The following PRKCH variants were observed in gnomAD, a reference collection of about 807,000 sequenced individuals.
PRKCH encodes protein kinase C eta.
In PRKCH, 28 loss-of-function variants were observed where a neutral mutation model predicts 82.5. The observed-to-expected ratio is 0.34, with a 90% CI of 0.25 to 0.47. The LOEUF is 0.47. Among genes scored for constraint, PRKCH ranks in the 20% least tolerant of loss-of-function variants. The pLI, the probability that PRKCH is intolerant of heterozygous loss-of-function variation, is 1.00. For missense variants in PRKCH, 705 were observed against 881.8 expected (o/e 0.80, Z 2.54); for synonymous variants, 322 against 327.4 (o/e 0.98, Z 0.18).
At chr14:61,333,855 A>G (rs999529246) in intron 1 of PRKCH, among the ~76,000 whole-genome samples, 1 of 152,114 alleles carries the variant, frequency 6.6e-6, no homozygotes, top group Admixed American at 6.5e-5. Context: ...AGTGGGCATT[A>G]TGGTGTTCTG....
Position 61,418,110 on chromosome 14 carries a change from G to A in PRKCH, c.428-25001G>A, listed in dbSNP as rs147317919. 3.0e-3 allele frequency among the ~76,000 whole-genome samples: 453 copies of A among 152,352 alleles called. 4 individuals carry two copies. Among genetic ancestry groups the A allele is most frequent in the African/African-American group, 0.01 (433 of 41,584 alleles). On this transcript the variant is annotated intron_variant, in intron 2 of 13. Transcript: ENST00000332981. ...CGCAGGTCTATCCTGTTCTGTGGCT[G>A]TGTTTACTAAAGTGAGTTCTGCGCT... is the stretch of plus-strand genomic sequence containing the variant.
At chr14:61,227,828 A>C (rs2044709784) in intron 1 of PRKCH, among the ~76,000 whole-genome samples, 1 of 152,100 alleles carries the variant, frequency 6.6e-6, no homozygotes, top group Non-Finnish European at 1.5e-5. Context: ...AGATGTTAGC[A>C]TGAGGGCCCT....
intron 12 of PRKCH, among the ~76,000 whole-genome samples, chr14:61,534,074 T>C (rs2043076673): frequency 6.6e-6 from 1 of 152,204 alleles, no homozygotes; most frequent in Non-Finnish European, 1.5e-5. Flanking sequence ...TCAAAGGCCA[T>C]TTAACACATT....
At chr14:61,494,093 GCTC>G (rs1322707154) in intron 10 of PRKCH, among the ~76,000 whole-genome samples, 2 of 152,132 alleles carry the variant, frequency 1.3e-5, no homozygotes, top group Non-Finnish European at 1.5e-5. Flanking sequence ...CAGTGGAGAT[GCTC>G]CATGGATAGG....
At chr14:61,523,518 C>T (rs2042930488) in intron 10 of PRKCH, among the ~76,000 whole-genome samples, 1 of 152,158 alleles carries the variant, frequency 6.6e-6, no homozygotes, top group African/African-American at 2.4e-5. Context: ...GATTTTACCC[C>T]TGTCTAGCTA....
At chr14:61,395,297 C>A (rs373467636) in intron 2 of PRKCH, among the ~76,000 whole-genome samples, 1 of 147,090 alleles carries the variant, frequency 6.8e-6, no homozygotes, top group Admixed American at 6.7e-5. Flanking sequence ...GGAGCCCCCC[C>A]CCGCATTTGC....
chr14:61,211,288 G>A (rs558393285), intron 1 of PRKCH, among the ~76,000 whole-genome samples: 21 of 152,302 alleles, frequency 1.4e-4, no homozygotes, highest in Admixed American at 2.6e-4. Flanking sequence ...GCACAGTGCC[G>A]CAGTGCATGG....
chr14:61,543,177 C>T (rs1188755839), intron 12 of PRKCH, among the ~76,000 whole-genome samples: 6 of 152,198 alleles, frequency 3.9e-5, no homozygotes, highest in Non-Finnish European at 2.9e-5. Context: ...CAGGACATTC[C>T]TATACAAACT....
chr14:61,381,333 A>G (rs2046506737), intron 1 of PRKCH, among the ~76,000 whole-genome samples: 1 of 152,188 alleles, frequency 6.6e-6, no homozygotes. Context: ...GTTTTCCTTC[A>G]TTTGAAACCA....
At chr14:61,549,655 T>C in intron 13 of PRKCH, 30 bp from the exon 14 acceptor site, 1 of 1,605,670 alleles carries the variant, frequency 6.2e-7, no homozygotes, top group Admixed American at 1.7e-5. Context: ...CGCAAAAATC[T>C]CACCCTTGTT....
rs778723205 is a variant in PRKCH, at chr14:61,280,785, G to A, written c.-19+93117G>A. ...CGTCGCGGGACACGCCGTAGCGCCG[G>A]TTGTTCTGGTAGAAGTTGGTCAGCT... On this transcript the variant is annotated intron_variant, in intron 1 of 3. Coordinates refer to the PRKCH transcript ENST00000555185. This position sits in a 1 kb window ranked among gnomAD's most constrained non-coding sequence, Gnocchi z 5.0. The A allele has an allele frequency of 1.9e-6, 3 of 1,556,538 alleles. No individual in the cohort carries two copies. Among genetic ancestry groups the A allele is most frequent in the Non-Finnish European group, 2.6e-6 (3 of 1,160,204 alleles).
At chr14:61,350,077 T>C (rs1249699137) in intron 1 of PRKCH, among the ~76,000 whole-genome samples, 2 of 152,248 alleles carry the variant, frequency 1.3e-5, no homozygotes, top group African/African-American at 2.4e-5. Flanking sequence ...TTATGGAAGG[T>C]GCTACAGGAA....
At chr14:61,385,131 C>T (rs1260751119) in intron 1 of PRKCH, among the ~76,000 whole-genome samples, 4 of 151,076 alleles carry the variant, frequency 2.6e-5, no homozygotes, top group African/African-American at 9.9e-5. Context: ...GTGTTTATTG[C>T]TCCTTGAATG....
At chr14:61,406,531 G>C (rs866256723) in intron 2 of PRKCH, among the ~76,000 whole-genome samples, 1 of 152,218 alleles carries the variant, frequency 6.6e-6, no homozygotes, top group African/African-American at 2.4e-5. Context: ...AAAGACAATT[G>C]AAAGTGGTTC....
rs777203945 is a variant in PRKCH, at chr14:61,457,490, T to C, written c.1105-16T>C. 92 of 1,612,214 alleles carry C rather than the reference T, an allele frequency of 5.7e-5. No individual in the cohort carries two copies. Among genetic ancestry groups the C allele is most frequent in the Non-Finnish European group, 7.5e-5 (88 of 1,178,696 alleles). On this transcript the variant is annotated splice_polypyrimidine_tract_variant and intron_variant, in intron 8 of 13. Coordinates refer to ENST00000332981, the MANE Select transcript of PRKCH (RefSeq NM_006255.5). ...AAGAGGACTCCCTCATGCTCCCTCC[T>C]TTTGCTTTGCCATAGGTGATGCTTG...
At chr14:61,330,968 C>CA (rs1305827653) in intron 1 of PRKCH, among the ~76,000 whole-genome samples, 3 of 152,034 alleles carry the variant, frequency 2.0e-5, no homozygotes, top group African/African-American at 4.8e-5. Context: ...AAAAAATCCT[C>CA]AAAAAAATCT....
intron 2 of PRKCH, among the ~76,000 whole-genome samples, chr14:61,399,551 A>T (rs902495066): frequency 6.6e-6 from 1 of 152,232 alleles, no homozygotes; most frequent in Non-Finnish European, 1.5e-5. Context: ...TGCAGGTAGG[A>T]ACAGGTGAGT....
At chr14:61,452,994 T>C (rs1317365927) in intron 6 of PRKCH, 2 of 537,524 alleles carry the variant, frequency 3.7e-6, no homozygotes, top group Non-Finnish European at 6.5e-6. Flanking sequence ...AAAAAATGTA[T>C]TTGAAATATA....
At chr14:61,188,616 GTGTGTGTGTGTGTGTGTGTGT>G (rs2044385785) in intron 1 of PRKCH, among the ~76,000 whole-genome samples, 4 of 34,552 alleles carry the variant, frequency 1.2e-4, no homozygotes, top group Non-Finnish European at 7.4e-5. Context: ...GGTGTGGTGT[GTGTGTGTGTGTGTGTGTGTGT>G]GTGTGTGTGT....
Sources: allele counts gnomAD v4.1 joint callset (sites outside exome capture counted in the v4.1 genomes callset), GRCh38; gene constraint gnomAD v4.1.1; non-coding constraint Gnocchi (gnomAD v3.1); transcripts MANE v1.5; gene names NCBI Gene and HGNC (gene_info 2026-07-23, HGNC 2026-07-21).